Variants in CACNA1B observed in about 807,000 individuals in gnomAD.
CACNA1B encodes the protein calcium voltage-gated channel subunit alpha1 B, also known as voltage-dependent N-type calcium channel subunit alpha-1B.
CACNA1B carries 70 observed loss-of-function variants against 247.2 expected under a neutral mutation model. That is an observed-to-expected ratio of 0.28 (90% CI 0.23 to 0.35). The LOEUF is 0.35. Ranked by LOEUF, CACNA1B falls within the 10% of genes least tolerant of loss-of-function variation. The pLI is 1.00. For missense variants in CACNA1B, 2,367 were observed against 3,197.4 expected (o/e 0.74, Z 6.26); for synonymous variants, 1,231 against 1,294.4 (o/e 0.95, Z 1.05).
Position 138,075,645 on chromosome 9 carries a change from G to A in CACNA1B, c.4858-174G>A, listed in dbSNP as rs41277875. On this transcript the variant is annotated intron_variant, in intron 34 of 46. Coordinates refer to ENST00000371372, the MANE Select transcript of CACNA1B (RefSeq NM_000718.4). Reference sequence around the variant, plus strand: ...GCACATGTGTAGCTACGGAGAGGGCGTCTATACTGGGAATGCACACTGGCC... The same window carrying A: ...GCACATGTGTAGCTACGGAGAGGGCATCTATACTGGGAATGCACACTGGCC... Among the ~76,000 whole-genome samples the A allele has an allele frequency of 0.021, 3,253 of 152,332 alleles. 48 individuals carry two copies. The highest frequency in any genetic ancestry group is 0.034 in the Non-Finnish European group (2,304 of 68,020).
In CACNA1B at chr9:138,124,450, C is replaced by A. The variant is rs1211397950; in HGVS notation, c.*2451C>A. 6 of 150,664 alleles carry A rather than the reference C, an allele frequency of 4.0e-5. No individual in the cohort carries two copies. Among genetic ancestry groups the A allele is most frequent in the African/African-American group, 1.5e-4 (6 of 41,016 alleles). The allele number at this position is 150,664 out of a possible 1,614,324, so 9.3% of individuals were successfully genotyped here. On this transcript the variant is annotated 3_prime_UTR_variant, in exon 47 of 47. Coordinates refer to ENST00000371372, the MANE Select transcript of CACNA1B (RefSeq NM_000718.4). The stretch of plus-strand genomic sequence containing the variant: ...AAAAAAAAAAAAAGTCCCAACCATG[C>A]AACACAACTGGGACCTACTTAAAAA...
intron 20 of CACNA1B, among the ~76,000 whole-genome samples, chr9:138,029,297 A>G (rs898448371): frequency 6.6e-6 from 1 of 152,220 alleles, no homozygotes; most frequent in Non-Finnish European, 1.5e-5. Flanking sequence ...CTCATGTAGT[A>G]TAGGAATTAT....
intron 15 of CACNA1B, among the ~76,000 whole-genome samples, chr9:137,999,456 T>G (rs916346019): frequency 6.6e-6 from 1 of 151,584 alleles, no homozygotes; most frequent in Non-Finnish European, 1.5e-5. Context: ...GAAACAACAC[T>G]TAAAGAAAAA....
At chr9:138,099,253 ATG>A (rs956250330) in intron 37 of CACNA1B, among the ~76,000 whole-genome samples, 9 of 152,140 alleles carry the variant, frequency 5.9e-5, no homozygotes, top group Admixed American at 3.9e-4. Flanking sequence ...AGATGTCTAC[ATG>A]TGTGTTTTGT....
intron 32 of CACNA1B, among the ~76,000 whole-genome samples, chr9:138,070,166 C>T (rs185740978): frequency 1.2e-3 from 186 of 152,346 alleles, no homozygotes; most frequent in Middle Eastern, 0.01. Context: ...AGCCATCTCC[C>T]ACCTGCTGTG....
Position 138,117,930 on chromosome 9 carries a change from G to A in CACNA1B, c.5778-16G>A. 6.4e-7 allele frequency: 1 copy of A among 1,555,352 alleles called. No homozygotes were observed. Among genetic ancestry groups the A allele is most frequent in the Non-Finnish European group, 8.7e-7 (1 of 1,144,084 alleles). The stretch of plus-strand genomic sequence containing the variant: ...TCTCTGACCCTACAGGAATCTGTTT[G>A]TCTTCTCTGCCACAGACAAAACCAA... On this transcript the variant is annotated splice_polypyrimidine_tract_variant and intron_variant, in intron 42 of 46. Transcript: ENST00000371372.
intron 36 of CACNA1B, among the ~76,000 whole-genome samples, chr9:138,081,888 A>G (rs188621996): frequency 6.6e-6 from 1 of 151,244 alleles, no homozygotes; most frequent in Admixed American, 6.6e-5. Context: ...TTCCCAATAA[A>G]GAGAAGCCCA....
At position 138,021,150 on chromosome 9, in the gene CACNA1B, G is replaced by A. The variant is rs112645661; in HGVS notation, c.2268-1861G>A. ...GCACTGTTGGCAGTAGAGCCCTTTT[G>A]TCTTGGTCCCAGCTGGGGTTGGTGG... is the stretch of plus-strand genomic sequence containing the variant. On this transcript the variant is annotated intron_variant, in intron 18 of 46. Coordinates refer to ENST00000371372, the MANE Select transcript of CACNA1B (RefSeq NM_000718.4). Among the ~76,000 whole-genome samples the A allele has an allele frequency of 3.6e-3, 554 of 152,324 alleles. 5 individuals carry two copies. Among genetic ancestry groups the A allele is most frequent in the African/African-American group, 0.013 (534 of 41,564 alleles).
intron 32 of CACNA1B, among the ~76,000 whole-genome samples, chr9:138,071,485 C>T (rs1960131587): frequency 6.6e-6 from 1 of 152,178 alleles, no homozygotes; most frequent in African/African-American, 2.4e-5. Flanking sequence ...GGTGCTCGGC[C>T]TGCCACGCTG....
At chr9:137,998,569 G>A (rs1489180070) in intron 15 of CACNA1B, among the ~76,000 whole-genome samples, 5 of 152,192 alleles carry the variant, frequency 3.3e-5, no homozygotes, top group Non-Finnish European at 4.4e-5. Flanking sequence ...GCGACAGAGC[G>A]AGACTCCGTC....
Position 138,023,554 on chromosome 9 carries a change from G to A in CACNA1B, c.2811G>A (p.Ala937=), listed in dbSNP as rs1459022709. The A allele has an allele frequency of 9.2e-7, 1 of 1,086,478 alleles. No homozygotes were observed. Among genetic ancestry groups the A allele is most frequent in the South Asian group, 3.0e-5 (1 of 33,816 alleles). The allele number at this position is 1,086,478 out of a possible 1,614,324, so 67.3% of individuals were successfully genotyped here. A position where few individuals can be genotyped will look rare whatever the true frequency, so the allele number is the denominator to read the frequency against. The change falls in exon 19 of 47, where the codon GCG becomes GCA. Residue 937 remains alanine (A), a synonymous_variant. Transcript: ENST00000371372. ...AGCGGGAGCCCCGACGCCACCGCGC[G>A]CACCGGCACCAGGATCCGAGCAAGG... ...AAEREPRRHR[A]HRHQDPSKEC...
chr9:137,893,861 C>T (rs928336673), intron 3 of CACNA1B, among the ~76,000 whole-genome samples: 8 of 152,230 alleles, frequency 5.3e-5, no homozygotes, highest in Non-Finnish European at 1.2e-4. Flanking sequence ...GGGCCCAGAA[C>T]AGCCCGTCCC....
Position 138,079,832 on chromosome 9 carries a change from G to A in CACNA1B, c.5094+1574G>A, listed in dbSNP as rs866886087. 6.0e-4 allele frequency among the ~76,000 whole-genome samples: 88 copies of A among 147,286 alleles called. No individual in the cohort carries two copies. In the Middle Eastern group the frequency reaches 0.021, roughly 36 times the overall value. On this transcript the variant is annotated intron_variant, in intron 36 of 46. Transcript: ENST00000371372. ...GGAGGTTGCAGTGAGCCAAAATTGC[G>A]CCACTATACTCCAGCCTGGGCAACA...
intron 6 of CACNA1B, among the ~76,000 whole-genome samples, chr9:137,930,387 G>A (rs1957595345): frequency 6.6e-6 from 1 of 152,164 alleles, no homozygotes. Context: ...TTTACTTTGT[G>A]TTTGGAGAGT....
rs555072679 is a variant in CACNA1B at position 138,052,804 on chromosome 9, C to A, written c.3807+616C>A. ...TGGGCTGGCAGGCAGCTGGGGAAGG[C>A]GTCGGAGGCCCACTGGGTCCAGGGA... On this transcript the variant is annotated intron_variant, in intron 25 of 46. Transcript: ENST00000371372. The surrounding 1 kb of genome is among the most constrained non-coding windows in gnomAD (Gnocchi z 5.1). Among the ~76,000 whole-genome samples, 1 of 152,166 alleles carries A rather than the reference C, an allele frequency of 6.6e-6. No individual in the cohort carries two copies. The highest frequency in any genetic ancestry group is 1.5e-5 in the Non-Finnish European group (1 of 68,022).
intron 38 of CACNA1B, among the ~76,000 whole-genome samples, chr9:138,103,803 C>T (rs982650640): frequency 6.6e-6 from 1 of 152,226 alleles, no homozygotes; most frequent in African/African-American, 2.4e-5. Context: ...CCAGAGCTTT[C>T]CTCTCTGGTG....
At chr9:138,037,384 C>T (rs1959059460) in intron 20 of CACNA1B, among the ~76,000 whole-genome samples, 1 of 152,178 alleles carries the variant, frequency 6.6e-6, no homozygotes, top group African/African-American at 2.4e-5. Flanking sequence ...CCAGGCCGGG[C>T]TCAGTGGCTC....
chr9:138,076,592 C>G (rs1960328251), intron 35 of CACNA1B, among the ~76,000 whole-genome samples: 1 of 152,206 alleles, frequency 6.6e-6, no homozygotes, highest in Non-Finnish European at 1.5e-5. Flanking sequence ...GGAGAGGCCT[C>G]AGCATCAGCT....
In CACNA1B at chr9:138,054,323, C is replaced by T. The variant is rs1423086400; in HGVS notation, c.3968+317C>T. ...AGGTGCCCACTGGGCAAGGCTTTCT[C>T]TAAGCCCTAGAGATCTTGGCTGGGC... is the stretch of plus-strand genomic sequence containing the variant. On this transcript the variant is annotated intron_variant, in intron 26 of 46. Coordinates refer to ENST00000371372, the MANE Select transcript of CACNA1B (RefSeq NM_000718.4). This position sits in a 1 kb window ranked among gnomAD's most constrained non-coding sequence, Gnocchi z 4.6. 6.6e-6 allele frequency among the ~76,000 whole-genome samples: 1 copy of T among 152,254 alleles called. No homozygotes were observed. Among genetic ancestry groups the T allele is most frequent in the Admixed American group, 6.5e-5 (1 of 15,288 alleles).
Sources: allele counts gnomAD v4.1 joint callset (sites outside exome capture counted in the v4.1 genomes callset), GRCh38; gene constraint gnomAD v4.1.1; non-coding constraint Gnocchi (gnomAD v3.1); transcripts MANE v1.5; gene names NCBI Gene and HGNC (gene_info 2026-07-23, HGNC 2026-07-21).